Variants in ACVR1 observed in about 807,000 individuals in gnomAD.
ACVR1 encodes activin A receptor type 1.
In ACVR1, 38 loss-of-function variants were observed where a neutral mutation model predicts 57.1. That is an observed-to-expected ratio of 0.67 (90% CI 0.51 to 0.87). The LOEUF (loss-of-function observed/expected upper bound fraction) is 0.87, where lower values mean the gene tolerates loss of function less well. Ranked by LOEUF, ACVR1 falls within the 40% of genes least tolerant of loss-of-function variation. The probability of loss-of-function intolerance (pLI) is 0.00; values close to 1 mark genes in which losing one functional copy is unlikely to be tolerated. For synonymous variants in ACVR1, 212 were observed against 228.1 expected, an observed-to-expected ratio of 0.93 and a Z score of 0.63; for missense variants, 463 against 638.2, an observed-to-expected ratio of 0.73 and a Z score of 2.96.
chr2:157,864,170 G>C (rs774751931), intron 1 of ACVR1, among the ~76,000 whole-genome samples: 1 of 151,694 alleles, frequency 6.6e-6, no homozygotes, highest in South Asian at 2.1e-4. Flanking sequence ...CCTTGCAGGA[G>C]CAAATTCTAA....
At chr2:157,777,937 T>TA (rs1212595752) in intron 5 of ACVR1, among the ~76,000 whole-genome samples, 194 bp downstream of exon 5, 1 of 152,220 alleles carries the variant, frequency 6.6e-6, no homozygotes, top group East Asian at 1.9e-4. Context: ...TTTAAATGTC[T>TA]ATCTAAAATG....
At chr2:157,842,806 C>G (rs930575620) in intron 1 of ACVR1, among the ~76,000 whole-genome samples, 1 of 152,096 alleles carries the variant, frequency 6.6e-6, no homozygotes, top group African/African-American at 2.4e-5. Context: ...TAATTTTAAT[C>G]TAAAATATTA....
intron 9 of ACVR1, among the ~76,000 whole-genome samples, chr2:157,744,876 T>C (rs1684908711): frequency 6.6e-6 from 1 of 152,220 alleles, no homozygotes; most frequent in Admixed American, 6.5e-5. Flanking sequence ...CAGAGGGTTA[T>C]GAGAATCAGT....
At chr2:157,834,075 TC>T (rs1357534464) in intron 1 of ACVR1, among the ~76,000 whole-genome samples, 1 of 152,212 alleles carries the variant, frequency 6.6e-6, no homozygotes, top group Non-Finnish European at 1.5e-5. Context: ...CACATACATG[TC>T]TAGAAGCTAT....
At chr2:157,764,622 C>T (rs1008307377) in intron 8 of ACVR1, among the ~76,000 whole-genome samples, 2 of 152,156 alleles carry the variant, frequency 1.3e-5, no homozygotes, top group African/African-American at 4.8e-5. Context: ...CTCACTGTCC[C>T]TGTCTCACTG....
At chr2:157,740,040 CG>C (rs901661339) in intron 9 of ACVR1, among the ~76,000 whole-genome samples, 2 of 151,922 alleles carry the variant, frequency 1.3e-5, no homozygotes, top group Admixed American at 6.6e-5. Flanking sequence ...AAAAATTAGC[CG>C]GGTGTGTTGG....
chr2:157,864,883 CAAT>C (rs745813455), intron 1 of ACVR1, among the ~76,000 whole-genome samples: 5 of 151,428 alleles, frequency 3.3e-5, no homozygotes, highest in Non-Finnish European at 5.9e-5. Flanking sequence ...CACTCTTGAT[CAAT>C]AATAAAAAGC....
rs6756964 is a variant in ACVR1, at chr2:157,789,026, A to G, written c.68-8426T>C. Reference sequence around the variant, plus strand: ...TTGCTTTACATATCTTCTTTCCCCTATCAGTCTAATTAATATAGTCCAAAA... The same window carrying G: ...TTGCTTTACATATCTTCTTTCCCCTGTCAGTCTAATTAATATAGTCCAAAA... On this transcript the variant is annotated intron_variant, in intron 3 of 10. Coordinates refer to ENST00000434821, the MANE Select transcript of ACVR1 (RefSeq NM_001111067.4). Among the ~76,000 whole-genome samples, 1,558 of 152,270 alleles carry G rather than the reference A, an allele frequency of 0.01. 130 individuals carry two copies. In the East Asian group the frequency reaches 0.21, roughly 20 times the overall value.
At position 157,857,763 on chromosome 2, in the gene ACVR1, C is replaced by G. The variant is rs138470580; in HGVS notation, c.-183+18033G>C. On this transcript the variant is annotated intron_variant, in intron 1 of 10. Coordinates refer to ENST00000434821, the MANE Select transcript of ACVR1 (RefSeq NM_001111067.4). ...AATGACATTTATAAGAATATCAATT[C>G]AGAAATTGAGATTGTTGTGTCTAGA... Among the ~76,000 whole-genome samples, 7 of 152,224 alleles carry G rather than the reference C, an allele frequency of 4.6e-5. No individual in the cohort carries two copies. The East Asian group carries it at 1.4e-3, about 29-fold the overall frequency.
At chr2:157,859,388 T>C (rs1051188135) in intron 1 of ACVR1, among the ~76,000 whole-genome samples, 18 of 152,190 alleles carry the variant, frequency 1.2e-4, no homozygotes, top group Non-Finnish European at 2.4e-4. Flanking sequence ...TAAAAAATAA[T>C]TCGGAAATAA....
intron 5 of ACVR1, 147 bp from the exon 6 acceptor site, chr2:157,774,334 A>G: frequency 4.3e-6 from 3 of 701,520 alleles, no homozygotes; most frequent in Non-Finnish European, 7.8e-6. Flanking sequence ...CTCCTCTGGA[A>G]GAAGGAAGAA....
chr2:157,818,693 C>A (rs1485027034), intron 1 of ACVR1, 134 bp from the exon 2 acceptor site: 1 of 152,226 alleles, frequency 6.6e-6, no homozygotes, highest in African/African-American at 2.4e-5. Flanking sequence ...TCTACAAGTG[C>A]AGCAAGTACA....
At chr2:157,792,132 C>G (rs1412333873) in intron 3 of ACVR1, among the ~76,000 whole-genome samples, 1 of 151,766 alleles carries the variant, frequency 6.6e-6, no homozygotes, top group Non-Finnish European at 1.5e-5. Flanking sequence ...AAAATACTGG[C>G]AGGTTTTTTT....
At chr2:157,814,284 T>G (rs971864949) in intron 2 of ACVR1, among the ~76,000 whole-genome samples, 1 of 152,126 alleles carries the variant, frequency 6.6e-6, no homozygotes, top group East Asian at 1.9e-4. Context: ...ATTTTGATAA[T>G]AAAAATCATA....
chr2:157,765,242 A>C (rs1174877020), intron 8 of ACVR1, among the ~76,000 whole-genome samples: 1 of 152,208 alleles, frequency 6.6e-6, no homozygotes, highest in Non-Finnish European at 1.5e-5. Context: ...TAACAGGGAA[A>C]AGAGTGAATC....
chr2:157,854,441 G>A (rs779882250), intron 1 of ACVR1, among the ~76,000 whole-genome samples: 13 of 152,156 alleles, frequency 8.5e-5, no homozygotes, highest in Non-Finnish European at 1.5e-4. Context: ...AGAGTGTATC[G>A]GCCGGGTGCA....
chr2:157,791,774 C>G lies in ACVR1; in HGVS notation c.67+7653G>C, dbSNP rs184342508. On this transcript the variant is annotated intron_variant, in intron 3 of 10. Coordinates refer to ENST00000434821, the MANE Select transcript of ACVR1 (RefSeq NM_001111067.4). ...CTTCCTTTCAGAACACATTCTTTGACTCTGACCATCAATACTATGTCAAAC... is the reference window on the plus strand; with the variant it reads ...CTTCCTTTCAGAACACATTCTTTGAGTCTGACCATCAATACTATGTCAAAC... Among the ~76,000 whole-genome samples the G allele has an allele frequency of 3.9e-5, 6 of 152,332 alleles. No homozygotes were observed. The East Asian group carries it at 1.2e-3, about 29-fold the overall frequency.
intron 1 of ACVR1, among the ~76,000 whole-genome samples, chr2:157,860,893 C>G (rs531717766): frequency 6.6e-6 from 1 of 152,296 alleles, no homozygotes. Flanking sequence ...TGCTGCAAAG[C>G]TGATTCTGAT....
At position 157,843,567 on chromosome 2, in the gene ACVR1, G is replaced by A. The variant is rs1422518265; in HGVS notation, c.-182-25008C>T. 3.9e-5 allele frequency among the ~76,000 whole-genome samples: 6 copies of A among 152,214 alleles called. No individual in the cohort carries two copies. The East Asian group carries it at 5.8e-4, about 15-fold the overall frequency. ...TTCCTTAATGTCACAAAGCTGGGAT[G>A]TGACAGAATGAGATTCAAACCCACA... On this transcript the variant is annotated intron_variant, in intron 1 of 10. Coordinates refer to ENST00000434821, the MANE Select transcript of ACVR1 (RefSeq NM_001111067.4).
Sources: gnomAD v4.1 joint callset for allele counts (sites outside exome capture counted in the v4.1 genomes callset) on GRCh38, gnomAD v4.1.1 for gene constraint, MANE v1.5 for transcripts, NCBI Gene and HGNC (gene_info 2026-07-23, HGNC 2026-07-21) for gene names.